EDAR: variants seen among roughly 807,000 people sequenced by gnomAD.
EDAR encodes ectodysplasin A receptor, also known as tumor necrosis factor receptor superfamily member EDAR.
EDAR carries 38 observed loss-of-function variants against 51.3 expected under a neutral mutation model. That is an observed-to-expected ratio of 0.74 (90% CI 0.57 to 0.97). The LOEUF is 0.97. Among genes scored for constraint, EDAR ranks in the 50% least tolerant of loss-of-function variants. The pLI is 0.00. For synonymous variants in EDAR, 227 were observed against 242.1 expected (o/e 0.94, Z 0.58); for missense variants, 528 against 595.0 (o/e 0.89, Z 1.17).
intron 6 of EDAR, among the ~76,000 whole-genome samples, 185 bp downstream of exon 6, chr2:108,912,493 C>A (rs1157438117): frequency 6.6e-6 from 1 of 152,190 alleles, no homozygotes; most frequent in Admixed American, 6.5e-5. Context: ...GAGGGATCAA[C>A]TCTGATTGCA....
chr2:108,939,068 G>A (rs551384207), intron 1 of EDAR, among the ~76,000 whole-genome samples: 14 of 152,008 alleles, frequency 9.2e-5, no homozygotes, highest in South Asian at 2.1e-4. Flanking sequence ...ATGAGCCACC[G>A]TGCCTGGCCA....
rs1166791441 is a variant in EDAR, at chr2:108,906,308, C to G, written c.1024G>C (p.Gly342Arg). Residue 342 changes from glycine to arginine, a missense_variant and splice_region_variant, in exon 11 of 12, where the codon GGT (glycine) becomes CGT (arginine). Gly to Arg is a moderately radical substitution (Grantham distance 125). Coordinates refer to ENST00000258443, the MANE Select transcript of EDAR (RefSeq NM_022336.4). The stretch of plus-strand genomic sequence containing the variant: ...CTCCCAGGCTTTTTTTTCAGCTTAC[C>G]TTCCACGACTCCACACACGTTGGCA... ...VYANVCGVVE[G>R]LSPTELPFDC... 2.5e-6 allele frequency: 4 copies of G among 1,613,740 alleles called. No individual in the cohort carries two copies. The highest frequency in any genetic ancestry group is 3.4e-6 in the Non-Finnish European group (4 of 1,179,952).
Position 108,923,469 on chromosome 2 carries a change from A to G in EDAR, c.357-16T>C. 1 of 1,612,638 alleles carries G rather than the reference A, an allele frequency of 6.2e-7. No homozygotes were observed. The highest frequency in any genetic ancestry group is 8.5e-7 in the Non-Finnish European group (1 of 1,178,676). On this transcript the variant is annotated splice_polypyrimidine_tract_variant and intron_variant, in intron 4 of 11. Transcript: ENST00000258443. ...CATGTAGTAGCTACGGGGGAGAGACAAGACAAAACAGAGACAGGTGAGCTG... is the reference window on the plus strand; with the variant it reads ...CATGTAGTAGCTACGGGGGAGAGACGAGACAAAACAGAGACAGGTGAGCTG...
At chr2:108,901,521 A>G (rs72836544) in intron 11 of EDAR, among the ~76,000 whole-genome samples, 1,778 of 152,336 alleles carry the variant, frequency 0.012, 16 homozygotes, top group Non-Finnish European at 0.02. Context: ...AAAGAGATCA[A>G]TATGAAAAGA....
intron 5 of EDAR, among the ~76,000 whole-genome samples, chr2:108,920,056 C>T (rs1264319061): frequency 6.6e-6 from 1 of 152,260 alleles, no homozygotes; most frequent in African/African-American, 2.4e-5. Context: ...TGGCCAGTCA[C>T]AGAGACACCT....
chr2:108,925,257 T>C lies in EDAR; in HGVS notation c.357-1804A>G, dbSNP rs150246791. Reference sequence around the variant, plus strand: ...TGTCTGTAAACATTGGCTGAATGAATGAATGACACCAAGTTCTTCTCCGTG... The same window carrying C: ...TGTCTGTAAACATTGGCTGAATGAACGAATGACACCAAGTTCTTCTCCGTG... On this transcript the variant is annotated intron_variant, in intron 4 of 11. Transcript: ENST00000258443. 7.7e-4 allele frequency among the ~76,000 whole-genome samples: 118 copies of C among 152,352 alleles called. No individual in the cohort carries two copies. The South Asian group carries it at 9.1e-3, about 12-fold the overall frequency.
chr2:108,909,565 C>T (rs1444785904), intron 9 of EDAR, among the ~76,000 whole-genome samples: 3 of 152,114 alleles, frequency 2.0e-5, no homozygotes, highest in Non-Finnish European at 1.5e-5. Flanking sequence ...GGCACTGTTG[C>T]GGGGGTGTCC....
At chr2:108,936,121 G>A (rs891040473) in intron 1 of EDAR, among the ~76,000 whole-genome samples, 10 of 152,222 alleles carry the variant, frequency 6.6e-5, no homozygotes, top group African/African-American at 2.4e-4. Flanking sequence ...ACCCAGTTGG[G>A]CCCCCCTTGA....
chr2:108,962,425 G>C (rs1698065269), intron 1 of EDAR, among the ~76,000 whole-genome samples: 1 of 152,112 alleles, frequency 6.6e-6, no homozygotes, highest in Non-Finnish European at 1.5e-5. Flanking sequence ...TGTAATCCCA[G>C]CACTTTGGGA....
chr2:108,969,694 C>A (rs1448225831), intron 1 of EDAR, among the ~76,000 whole-genome samples: 1 of 152,156 alleles, frequency 6.6e-6, no homozygotes, highest in African/African-American at 2.4e-5. Context: ...GGCACAGCAC[C>A]ATCTCAGTGC....
At chr2:108,924,030 C>T (rs1697203051) in intron 4 of EDAR, among the ~76,000 whole-genome samples, 1 of 152,236 alleles carries the variant, frequency 6.6e-6, no homozygotes, top group Non-Finnish European at 1.5e-5. Flanking sequence ...TGATAGCTGG[C>T]AACACAACCA....
rs148401755 is a variant in EDAR, at chr2:108,899,353, C to T, written c.1025-2124G>A. Among the ~76,000 whole-genome samples, 368 of 152,262 alleles carry T rather than the reference C, an allele frequency of 2.4e-3. 5 individuals are homozygous for T. The highest frequency in any genetic ancestry group is 8.6e-3 in the African/African-American group (356 of 41,542). On this transcript the variant is annotated intron_variant, in intron 11 of 11. Transcript: ENST00000258443. Reference sequence around the variant, plus strand: ...TGAGTGAAAATATCCTTCAGGAAAGCATGAGAATATCAAGACATTCCAAGC... The same window carrying T: ...TGAGTGAAAATATCCTTCAGGAAAGTATGAGAATATCAAGACATTCCAAGC...
chr2:108,930,220 CG>C lies in EDAR; in HGVS notation c.73del (p.Arg25GlufsTer78). On this transcript the variant is annotated frameshift_variant, in exon 3 of 12. Coordinates refer to ENST00000258443, the MANE Select transcript of EDAR (RefSeq NM_022336.4). LOFTEE classifies it high-confidence loss of function. Reference sequence around the variant, plus strand: ...CTCACCGCAGTTTGAGTATTCCGCTCGGGCTGAGCACATCAGAGACACCTGC... The same window carrying C: ...CTCACCGCAGTTTGAGTATTCCGCTCGGCTGAGCACATCAGAGACACCTGC... ...VLVVSLMCSA[R>X]AEYSNCGENE... 6.2e-7 allele frequency: 1 copy of C among 1,614,080 alleles called. No individual in the cohort carries two copies. The highest frequency in any genetic ancestry group is 1.3e-5 in the African/African-American group (1 of 75,024).
chr2:108,899,131 T>C (rs1696654979), intron 11 of EDAR, among the ~76,000 whole-genome samples: 1 of 152,146 alleles, frequency 6.6e-6, no homozygotes, highest in South Asian at 2.1e-4. Context: ...ACATCATAAA[T>C]GAACTTCTGA....
At chr2:108,947,929 T>C (rs1426194768) in intron 1 of EDAR, among the ~76,000 whole-genome samples, 1 of 152,238 alleles carries the variant, frequency 6.6e-6, no homozygotes, top group African/African-American at 2.4e-5. Context: ...TTTTCTACCA[T>C]ATAGTTAGGT....
At chr2:108,982,132 C>A (rs1427891825) in intron 1 of EDAR, among the ~76,000 whole-genome samples, 3 of 152,224 alleles carry the variant, frequency 2.0e-5, no homozygotes, top group African/African-American at 7.2e-5. Flanking sequence ...AGAATAGGGG[C>A]CAGGTCTTTT....
chr2:108,924,302 C>T (rs571058298), intron 4 of EDAR, among the ~76,000 whole-genome samples: 1 of 152,358 alleles, frequency 6.6e-6, no homozygotes, highest in African/African-American at 2.4e-5. Flanking sequence ...CGTCCCGCTC[C>T]CAGGCACAGC....
intron 1 of EDAR, among the ~76,000 whole-genome samples, chr2:108,964,162 C>A (rs986468135): frequency 6.6e-6 from 1 of 152,182 alleles, no homozygotes; most frequent in Non-Finnish European, 1.5e-5. Context: ...TCTTTCAGAT[C>A]CCTCCCACCT....
rs979561013 is a variant in EDAR at position 108,926,779 on chromosome 2, A to T, written c.356+2419T>A. ...TCAGGAGAAGCACCTGCCAAACCGCAGGCAGGGGCCTGGGCCCAGGAGAGA... is the reference window on the plus strand; with the variant it reads ...TCAGGAGAAGCACCTGCCAAACCGCTGGCAGGGGCCTGGGCCCAGGAGAGA... On this transcript the variant is annotated intron_variant, in intron 4 of 11. Coordinates refer to ENST00000258443, the MANE Select transcript of EDAR (RefSeq NM_022336.4). Among the ~76,000 whole-genome samples, 6 of 152,232 alleles carry T rather than the reference A, an allele frequency of 3.9e-5. 1 individual carries two copies. The highest frequency in any genetic ancestry group is 3.3e-4 in the Admixed American group (5 of 15,288).
Sources: gnomAD v4.1 joint callset for allele counts (sites outside exome capture counted in the v4.1 genomes callset) on GRCh38, gnomAD v4.1.1 for gene constraint, MANE v1.5 for transcripts, NCBI Gene and HGNC (gene_info 2026-07-23, HGNC 2026-07-21) for gene names.